Variants in ADRB3 observed in about 807,000 individuals in gnomAD.
The protein encoded by ADRB3 is beta-3 adrenergic receptor.
A neutral mutation model predicts 23.8 loss-of-function variants in ADRB3; 33 were observed. That is an observed-to-expected ratio of 1.38 (90% CI 1.05 to 1.85). The LOEUF (loss-of-function observed/expected upper bound fraction) is 1.85, where lower values mean the gene tolerates loss of function less well. Among genes scored for constraint, ADRB3 ranks in the 40% most tolerant of loss-of-function variants. The pLI is 0.00. For synonymous variants in ADRB3, 289 were observed against 273.0 expected, an observed-to-expected ratio of 1.06 and a Z score of -0.58; for missense variants, 600 against 579.6, an observed-to-expected ratio of 1.04 and a Z score of -0.36.
In ADRB3 at chr8:37,964,255, G is replaced by A; in HGVS notation, c.1206-16C>T. 1 of 1,611,904 alleles carries A rather than the reference G, an allele frequency of 6.2e-7. No individual in the cohort carries two copies. Among genetic ancestry groups the A allele is most frequent in the Non-Finnish European group, 8.5e-7 (1 of 1,178,370 alleles). ...CCAAGAAGCCCTGGGAAAAAAAGTG[G>A]AGATAATAGACCCTGGGGTGAAAGG... is the stretch of plus-strand genomic sequence containing the variant. On this transcript the variant is annotated splice_polypyrimidine_tract_variant and intron_variant, in intron 1 of 1. Transcript: ENST00000345060.
At position 37,966,403 on chromosome 8, in the gene ADRB3, T is replaced by C. The variant is rs1203695631; in HGVS notation, c.67A>G (p.Asn23Asp). Residue 23 changes from asparagine (N) to aspartate (D), a missense_variant, in exon 1 of 2, where the codon AAT (asparagine) becomes GAT (aspartate). Physicochemically the swap from Asn to Asp is conservative, Grantham distance 23. Transcript: ENST00000345060. ...PWPDLPTLAP[N>D]TANTSGLPGV... ...GGCAGCCCACTGGTGTTGGCGGTAT[T>C]GGGCGCCAGGGTGGGGAGGTCCGGC... The C allele has an allele frequency of 6.2e-7, 1 of 1,609,368 alleles. No individual in the cohort carries two copies.
At position 37,965,628 on chromosome 8, in the gene ADRB3, C is replaced by T. The variant is rs1421725440; in HGVS notation, c.842G>A (p.Arg281His). The T allele has an allele frequency of 2.0e-6, 3 of 1,530,762 alleles. No homozygotes were observed. The highest frequency in any genetic ancestry group is 8.8e-7 in the Non-Finnish European group (1 of 1,139,438). The allele number at this position is 1,530,762 out of a possible 1,614,324, so 94.8% of individuals were successfully genotyped here. ...CCGGTGTTCCCGGAGAGGCAGGAGG[C>T]GCGCGGGCCGCCGGCCGCAGGCGGG... ...GVPACGRRPA[R>H]LLPLREHRAL... The change falls in exon 1 of 2, where the codon CGC becomes CAC. Residue 281 changes from arginine to histidine, a missense_variant. By Grantham distance (29) the Arg-to-His change is conservative (BLOSUM62 0). Coordinates refer to ENST00000345060, the MANE Select transcript of ADRB3 (RefSeq NM_000025.3).
chr8:37,966,001 C>A lies in ADRB3; in HGVS notation c.469G>T (p.Ala157Ser). The change falls in exon 1 of 2, where the codon GCT (alanine) becomes TCT (serine). Residue 157 changes from alanine to serine, a missense_variant. Transcript: ENST00000345060. Reference sequence around the variant, plus strand: ...GACACGACCCACACCAGGACCACAGCTGTCCGGGCGCAGCGCTTGGTGACC... The same window carrying A: ...GACACGACCCACACCAGGACCACAGATGTCCGGGCGCAGCGCTTGGTGACC... ...ALVTKRCART[A>S]VVLVWVVSAA... 1 of 1,574,046 alleles carries A rather than the reference C, an allele frequency of 6.4e-7. No homozygotes were observed. Among genetic ancestry groups the A allele is most frequent in the Non-Finnish European group, 8.6e-7 (1 of 1,159,566 alleles).
At position 37,966,430 on chromosome 8, in the gene ADRB3, A is replaced by G. The variant is rs749594748; in HGVS notation, c.40T>C (p.Trp14Arg). 12 of 1,606,394 alleles carry G rather than the reference A, an allele frequency of 7.5e-6. No homozygotes were observed. The highest frequency in any genetic ancestry group is 1.0e-5 in the Non-Finnish European group (12 of 1,178,084). The part of the protein sequence containing the change: ...WPHENSSLAP[W>R]PDLPTLAPNT... ...GGCGCCAGGGTGGGGAGGTCCGGCC[A>G]TGGGGCAAGAGAGCTGTTCTCGTGA... Residue 14 changes from tryptophan to arginine, a missense_variant, in exon 1 of 2, where the codon TGG (tryptophan) becomes CGG (arginine). Transcript: ENST00000345060.
chr8:37,965,755 G>T lies in ADRB3; in HGVS notation c.715C>A (p.Arg239Ser), dbSNP rs1214576060. The change falls in exon 1 of 2, where the codon CGC becomes AGC. Residue 239 changes from arginine to serine, a missense_variant. By Grantham distance (110) the Arg-to-Ser change is moderately radical. Coordinates refer to ENST00000345060, the MANE Select transcript of ADRB3 (RefSeq NM_000025.3). The stretch of plus-strand genomic sequence containing the variant: ...GGCGGAAAGCGGCCCAGCTCCCCGC[G>T]CAGCAAGCGCAGCTGGCGCGTAGCC... Reference protein sequence around the residue: ...VVATRQLRLLRGELGRFPPEE... With the variant: ...VVATRQLRLLSGELGRFPPEE... 5 of 1,550,804 alleles carry T rather than the reference G, an allele frequency of 3.2e-6. No individual in the cohort carries two copies. Among genetic ancestry groups the T allele is most frequent in the Non-Finnish European group, 4.4e-6 (5 of 1,146,784 alleles).
intron 1 of ADRB3, chr8:37,964,851 G>A: frequency 5.7e-6 from 1 of 175,914 alleles, no homozygotes; most frequent in Non-Finnish European, 1.2e-5. Flanking sequence ...AGGATCGCTT[G>A]AGCCCAGGAG....
chr8:37,964,218 C>T lies in ADRB3; in HGVS notation c.1227G>A (p.Ter409=). 3 of 1,613,602 alleles carry T rather than the reference C, an allele frequency of 1.9e-6. No individual in the cohort carries two copies. The South Asian group carries it at 3.3e-5, about 18-fold the overall frequency. ...RLDGASWGVS[*] ...AGTTGTTGCTTCTTGTCCTTCAGGCCTAAGAAACTCCCCAAGAAGCCCTGG... is the reference window on the plus strand; with the variant it reads ...AGTTGTTGCTTCTTGTCCTTCAGGCTTAAGAAACTCCCCAAGAAGCCCTGG... Residue 409 remains the stop codon, a stop_retained_variant, in exon 2 of 2, where the codon TAG becomes TAA. Coordinates refer to ENST00000345060, the MANE Select transcript of ADRB3 (RefSeq NM_000025.3).
chr8:37,964,269 T>C, intron 1 of ADRB3, 30 bp from the exon 2 acceptor site: 1 of 1,607,526 alleles, frequency 6.2e-7, no homozygotes, highest in Non-Finnish European at 8.5e-7. Context: ...TAATAGACCC[T>C]GGGGTGAAAG....
At chr8:37,964,394 T>C (rs1407135802) in intron 1 of ADRB3, among the ~76,000 whole-genome samples, 155 bp from the exon 2 acceptor site, 3 of 151,846 alleles carry the variant, frequency 2.0e-5, no homozygotes. Context: ...CCATCCCTAC[T>C]CCAACCCAGC....
In ADRB3 at chr8:37,966,282, G is replaced by A. The variant is rs757977808; in HGVS notation, c.188C>T (p.Ala63Val). 1.9e-6 allele frequency: 3 copies of A among 1,613,764 alleles called. No homozygotes were observed. The Admixed American group carries it at 5.0e-5, about 27-fold the overall frequency. ...CATGGTCTGGAGTCTCGGAGTCCAG[G>A]CGATGGCCACGATGACCAGCAGGTT... ...GGNLLVIVAI[A>V]WTPRLQTMTN... The change falls in exon 1 of 2, where the codon GCC (alanine) becomes GTC (valine). Residue 63 changes from alanine to valine, a missense_variant. Coordinates refer to ENST00000345060, the MANE Select transcript of ADRB3 (RefSeq NM_000025.3).
chr8:37,964,315 A>G, intron 1 of ADRB3, 76 bp from the exon 2 acceptor site: 1 of 1,330,726 alleles, frequency 7.5e-7, no homozygotes, highest in Non-Finnish European at 1.1e-6. Context: ...GACAGAGATC[A>G]GAGACCCTGG....
At position 37,966,404 on chromosome 8, in the gene ADRB3, G is replaced by T; in HGVS notation, c.66C>A (p.Pro22=). ...APWPDLPTLA[P]NTANTSGLPG... ...GCAGCCCACTGGTGTTGGCGGTATT[G>T]GGCGCCAGGGTGGGGAGGTCCGGCC... Residue 22 remains proline (P), a synonymous_variant, in exon 1 of 2, where the codon CCC becomes CCA. Transcript: ENST00000345060. The T allele has an allele frequency of 6.2e-7, 1 of 1,608,978 alleles. No individual in the cohort carries two copies. The highest frequency in any genetic ancestry group is 8.5e-7 in the Non-Finnish European group (1 of 1,178,560).
chr8:37,966,373 C>G lies in ADRB3; in HGVS notation c.97G>C (p.Val33Leu). 1 of 1,610,652 alleles carries G rather than the reference C, an allele frequency of 6.2e-7. No individual in the cohort carries two copies. Among genetic ancestry groups the G allele is most frequent in the South Asian group, 1.1e-5 (1 of 90,568 alleles). ...NTANTSGLPG[V>L]PWEAALAGAL... ...CCGGCTAGGGCCGCCTCCCACGGAA[C>G]CCCTGGCAGCCCACTGGTGTTGGCG... The change falls in exon 1 of 2, where the codon GTT becomes CTT. Residue 33 changes from valine (V) to leucine (L), a missense_variant. Transcript: ENST00000345060.
rs1808241263 is a variant in ADRB3, at chr8:37,963,561, G to A, written c.*657C>T. 6.6e-6 allele frequency: 1 copy of A among 152,652 alleles called. No homozygotes were observed. The highest frequency in any genetic ancestry group is 2.4e-5 in the African/African-American group (1 of 41,452). 9.5% of individuals were successfully genotyped at this position (152,652 alleles called of 1,614,324 possible). On this transcript the variant is annotated 3_prime_UTR_variant, in exon 2 of 2. Transcript: ENST00000345060. ...ACAAACGGAGGGAAAGGGGGCCGAG[G>A]ATGAACTGCATTCAGTGATATTTAT...
Position 37,965,457 on chromosome 8 carries a change from T to A in ADRB3, c.1013A>T (p.Asn338Ile). 6.4e-7 allele frequency: 1 copy of A among 1,551,432 alleles called. No homozygotes were observed. The highest frequency in any genetic ancestry group is 8.7e-7 in the Non-Finnish European group (1 of 1,147,172). Residue 338 changes from asparagine (N) to isoleucine (I), a missense_variant, in exon 1 of 2, where the codon AAT (asparagine) becomes ATT (isoleucine). By Grantham distance (149) the Asn-to-Ile change is moderately radical (BLOSUM62 -3). Transcript: ENST00000345060. ...FLALNWLGYA[N>I]SAFNPLIYCR... ...GTAGATGAGCGGGTTGAAGGCAGAA[T>A]TGGCATAACCTAGCCAGTTCAGGGC...
At position 37,965,552 on chromosome 8, in the gene ADRB3, C is replaced by CA. The variant is rs1563397504; in HGVS notation, c.917dup (p.Leu306PhefsTer115). On this transcript the variant is annotated frameshift_variant, in exon 1 of 2. Transcript: ENST00000345060. LOFTEE classifies it high-confidence loss of function. ...GCAGCACGTTGGCCAGAAAGAAGGG[C>CA]AACCAGCAGAGAGTGAAGGTGCCCA... The CA allele has an allele frequency of 6.4e-7, 1 of 1,550,776 alleles. No homozygotes were observed. The highest frequency in any genetic ancestry group is 2.0e-5 in the Admixed American group (1 of 51,012).
Position 37,966,046 on chromosome 8 carries a change from G to C in ADRB3, c.424C>G (p.Pro142Ala). 1 of 1,592,602 alleles carries C rather than the reference G, an allele frequency of 6.3e-7. No individual in the cohort carries two copies. Among genetic ancestry groups the C allele is most frequent in the East Asian group, 2.3e-5 (1 of 43,994 alleles). The part of the protein sequence containing the change: ...AVDRYLAVTN[P>A]LRYGALVTKR... ...GTGACCAGTGCGCCGTAACGCAGCG[G>C]GTTGGTCACAGCCAGGTAGCGGTCC... The change falls in exon 1 of 2, where the codon CCG becomes GCG. Residue 142 changes from proline (P) to alanine (A), a missense_variant. Transcript: ENST00000345060.
intron 1 of ADRB3, among the ~76,000 whole-genome samples, chr8:37,964,579 C>G (rs1466709641): frequency 6.6e-6 from 1 of 152,018 alleles, no homozygotes; most frequent in Admixed American, 6.6e-5. Flanking sequence ...CAAGTCCGAG[C>G]CAGGTCTAGT....
chr8:37,965,112 C>G, intron 1 of ADRB3, 153 bp downstream of exon 1: 1 of 734,104 alleles, frequency 1.4e-6, no homozygotes, highest in Non-Finnish European at 2.0e-6. Context: ...GACCCTGGGT[C>G]CCATTTTGGT....
Sources: allele counts gnomAD v4.1 joint callset (sites outside exome capture counted in the v4.1 genomes callset), GRCh38; gene constraint gnomAD v4.1.1; transcripts MANE v1.5; gene names NCBI Gene and HGNC (gene_info 2026-07-23, HGNC 2026-07-21).